NRG1: variants seen among roughly 807,000 people sequenced by gnomAD.
The protein encoded by NRG1 is neuregulin 1, also known as pro-neuregulin-1, membrane-bound isoform.
NRG1 carries 18 observed loss-of-function variants against 63.8 expected under a neutral mutation model. The ratio of observed to expected loss-of-function variants is 0.28; its 90% CI spans 0.19 to 0.42. NRG1 has a LOEUF of 0.42. Among genes scored for constraint, NRG1 ranks in the 10% least tolerant of loss-of-function variants. The pLI is 1.00. For synonymous variants in NRG1, 302 were observed against 301.3 expected (o/e 1.00, Z -0.02); for missense variants, 762 against 814.7 (o/e 0.94, Z 0.79).
intron 1 of NRG1, among the ~76,000 whole-genome samples, chr8:32,031,007 T>C (rs542348806): frequency 6.6e-6 from 1 of 152,280 alleles, no homozygotes; most frequent in Admixed American, 6.5e-5. Context: ...ATTGCCCCTC[T>C]AGCGGGATCA....
At chr8:31,984,291 A>G (rs1394313974) in intron 1 of NRG1, among the ~76,000 whole-genome samples, 1 of 152,256 alleles carries the variant, frequency 6.6e-6, no homozygotes, top group African/African-American at 2.4e-5. Flanking sequence ...TAAAAAAGAG[A>G]AAACACTGAG....
chr8:32,237,481 C>A (rs1040497276), intron 1 of NRG1, among the ~76,000 whole-genome samples: 4 of 151,826 alleles, frequency 2.6e-5, no homozygotes, highest in African/African-American at 9.7e-5. Context: ...AAACTTTGTG[C>A]ATTTGAGGGT....
rs560235268 is a variant in NRG1, at chr8:32,273,011, G to A, written c.38-322817G>A. 1.2e-4 allele frequency among the ~76,000 whole-genome samples: 19 copies of A among 152,272 alleles called. No homozygotes were observed. In the South Asian group the frequency reaches 3.7e-3, roughly 30 times the overall value. ...GACAAAATAATGAACTCTCTGATAA[G>A]AGTCCAGAATTAGTTGGCTGAATTT... On this transcript the variant is annotated intron_variant, in intron 1 of 10. Transcript: ENST00000519301.
chr8:32,316,526 T>C (rs1857415799), intron 1 of NRG1, among the ~76,000 whole-genome samples: 1 of 151,832 alleles, frequency 6.6e-6, no homozygotes, highest in African/African-American at 2.4e-5. Context: ...GACAGGTGCT[T>C]GTTCCTTGAA....
chr8:32,383,954 G>A (rs898975137), intron 1 of NRG1, among the ~76,000 whole-genome samples: 2 of 152,218 alleles, frequency 1.3e-5, no homozygotes, highest in African/African-American at 4.8e-5. Flanking sequence ...TGTAAATGAA[G>A]CTGGGCACAG....
At chr8:32,308,491 T>C (rs1192601214) in intron 1 of NRG1, among the ~76,000 whole-genome samples, 2 of 152,228 alleles carry the variant, frequency 1.3e-5, no homozygotes, top group Non-Finnish European at 2.9e-5. Context: ...TGTAGCTTTT[T>C]CTTCCCTTAA....
chr8:32,307,600 T>G (rs1376602828), intron 1 of NRG1, among the ~76,000 whole-genome samples: 1 of 150,638 alleles, frequency 6.6e-6, no homozygotes, highest in Non-Finnish European at 1.5e-5. Flanking sequence ...TGTGTGTGTG[T>G]GTGTGTGTGT....
At chr8:31,985,635 C>A (rs952390089) in intron 1 of NRG1, among the ~76,000 whole-genome samples, 6 of 151,648 alleles carry the variant, frequency 4.0e-5, no homozygotes, top group African/African-American at 1.5e-4. Flanking sequence ...GTATTTCTAC[C>A]TCAAAGGAAA....
intron 1 of NRG1, among the ~76,000 whole-genome samples, chr8:31,894,723 T>G (rs967385409): frequency 2.6e-5 from 4 of 152,028 alleles, no homozygotes; most frequent in Non-Finnish European, 5.9e-5. Context: ...GCTAATTTTT[T>G]GTATTTTTAG....
intron 1 of NRG1, among the ~76,000 whole-genome samples, chr8:32,367,335 C>A (rs1808202640): frequency 6.6e-6 from 1 of 151,952 alleles, no homozygotes; most frequent in Non-Finnish European, 1.5e-5. Flanking sequence ...TAATATCCAT[C>A]CTTACTGAGG....
In NRG1 at chr8:32,168,614, CAATT is replaced by C. The variant is rs1007202290; in HGVS notation, c.38-427211_38-427208del. 2.0e-5 allele frequency among the ~76,000 whole-genome samples: 3 copies of C among 152,108 alleles called. No homozygotes were observed. In the East Asian group the frequency reaches 5.8e-4, roughly 29 times the overall value. On this transcript the variant is annotated intron_variant, in intron 1 of 10. Coordinates refer to the NRG1 transcript ENST00000519301. Reference sequence around the variant, plus strand: ...CTTCTACAAAGAGAATGAATTTTAACAATTAACCAACAATCTAAATTCTTGGAAA... The same window carrying C: ...CTTCTACAAAGAGAATGAATTTTAACAACCAACAATCTAAATTCTTGGAAA...
intron 1 of NRG1, among the ~76,000 whole-genome samples, chr8:31,926,406 T>C (rs1834361629): frequency 6.6e-6 from 1 of 152,082 alleles, no homozygotes. Context: ...TCTTGGTCTG[T>C]CAAGTTCTAA....
intron 1 of NRG1, among the ~76,000 whole-genome samples, chr8:31,713,611 T>C (rs1032291206): frequency 2.0e-5 from 3 of 152,178 alleles, no homozygotes; most frequent in Admixed American, 6.5e-5. Flanking sequence ...CTTTGCCCTA[T>C]TGACAGGATA....
At chr8:32,681,806 C>T (rs189275168) in intron 5 of NRG1, among the ~76,000 whole-genome samples, 11 of 152,234 alleles carry the variant, frequency 7.2e-5, no homozygotes, top group East Asian at 1.9e-4. Context: ...ATGAAACAGA[C>T]GGCGACCCAT....
intron 1 of NRG1, among the ~76,000 whole-genome samples, chr8:32,086,542 A>G (rs1267304779): frequency 6.6e-6 from 1 of 152,110 alleles, no homozygotes; most frequent in Non-Finnish European, 1.5e-5. Flanking sequence ...AACTTGTATG[A>G]GTAGATCTGT....
chr8:32,314,918 G>A (rs559430601), intron 1 of NRG1, among the ~76,000 whole-genome samples: 1 of 152,166 alleles, frequency 6.6e-6, no homozygotes, highest in Non-Finnish European at 1.5e-5. Context: ...CCTCTGTTAG[G>A]GGTGACTGAT....
chr8:32,689,220 A>G (rs1810957714), intron 5 of NRG1, among the ~76,000 whole-genome samples: 1 of 152,054 alleles, frequency 6.6e-6, no homozygotes, highest in Non-Finnish European at 1.5e-5. Context: ...TTCTCGTAAT[A>G]TCTGCTTTTG....
intron 1 of NRG1, among the ~76,000 whole-genome samples, chr8:31,766,018 A>G (rs1437550430): frequency 2.6e-5 from 4 of 152,134 alleles, no homozygotes; most frequent in Non-Finnish European, 5.9e-5. Context: ...CTTTACCACA[A>G]TAAGTCATTT....
intron 1 of NRG1, among the ~76,000 whole-genome samples, chr8:32,086,478 T>G (rs1828238071): frequency 1.4e-5 from 2 of 142,628 alleles, no homozygotes; most frequent in African/African-American, 4.9e-5. Flanking sequence ...GCATCAGTTA[T>G]GAATATAGGT....
Sources: allele counts gnomAD v4.1 joint callset (sites outside exome capture counted in the v4.1 genomes callset), GRCh38; gene constraint gnomAD v4.1.1; transcripts MANE v1.5; gene names NCBI Gene and HGNC (gene_info 2026-07-23, HGNC 2026-07-21).